TMPRSS11F: variants seen among roughly 807,000 people sequenced by gnomAD.
The protein encoded by TMPRSS11F is transmembrane protease serine 11F.
A neutral mutation model predicts 60.2 loss-of-function variants in TMPRSS11F; 47 were observed. That is an observed-to-expected ratio of 0.78 (90% confidence interval 0.62 to 1.00). The LOEUF is 1.00. TMPRSS11F is among the 50% of genes least tolerant of loss of function. The pLI, the probability that TMPRSS11F is intolerant of heterozygous loss-of-function variation, is 0.00. For synonymous variants in TMPRSS11F, 166 were observed against 167.3 expected, an observed-to-expected ratio of 0.99 and a Z score of 0.06; for missense variants, 519 against 522.9, an observed-to-expected ratio of 0.99 and a Z score of 0.07.
chr4:68,119,679 CAA>C (rs910423850), intron 1 of TMPRSS11F, among the ~76,000 whole-genome samples: 1 of 151,992 alleles, frequency 6.6e-6, no homozygotes, highest in African/African-American at 2.4e-5. Flanking sequence ...CTTATTGCTC[CAA>C]AAAAAGAGAT....
At chr4:68,119,056 C>A (rs538572903) in intron 1 of TMPRSS11F, among the ~76,000 whole-genome samples, 3 of 152,082 alleles carry the variant, frequency 2.0e-5, no homozygotes, top group South Asian at 4.1e-4. Flanking sequence ...AGTGAATAAA[C>A]AAATGATAAG....
intron 1 of TMPRSS11F, among the ~76,000 whole-genome samples, chr4:68,106,834 A>G (rs1259166265): frequency 6.6e-6 from 1 of 152,220 alleles, no homozygotes; most frequent in East Asian, 1.9e-4. Flanking sequence ...ATTTAAAGAA[A>G]CTGGTTATAA....
chr4:68,094,771 C>T (rs1361513389), intron 2 of TMPRSS11F, among the ~76,000 whole-genome samples: 1 of 151,750 alleles, frequency 6.6e-6, no homozygotes, highest in Non-Finnish European at 1.5e-5. Context: ...TCAAAAACAG[C>T]TTTAGATAAT....
At chr4:68,121,362 A>G (rs899434681) in intron 1 of TMPRSS11F, among the ~76,000 whole-genome samples, 1 of 152,216 alleles carries the variant, frequency 6.6e-6, no homozygotes. Flanking sequence ...AAGAATTCAT[A>G]AAGTGTCCAG....
chr4:68,098,341 G>A, intron 2 of TMPRSS11F, among the ~76,000 whole-genome samples: 1 of 151,926 alleles, frequency 6.6e-6, no homozygotes, highest in East Asian at 1.9e-4. Flanking sequence ...CAAAGACGAA[G>A]GTAAATGAAT....
chr4:68,127,819 T>G lies in TMPRSS11F; in HGVS notation c.11+1991A>C, dbSNP rs184443267. ...AAAAATAAAATTAATACAAATCTTA[T>G]TTTATTACTATTTAAATACACCAAC... On this transcript the variant is annotated intron_variant, in intron 1 of 9. Transcript: ENST00000356291. Among the ~76,000 whole-genome samples, 10 of 152,222 alleles carry G rather than the reference T, an allele frequency of 6.6e-5. No individual in the cohort carries two copies. The East Asian group carries it at 1.9e-3, about 29-fold the overall frequency.
At chr4:68,098,378 T>G (rs1487979944) in intron 2 of TMPRSS11F, among the ~76,000 whole-genome samples, 1 of 152,174 alleles carries the variant, frequency 6.6e-6, no homozygotes, top group Non-Finnish European at 1.5e-5. Context: ...TTGGCTCAAC[T>G]ATGATACTGA....
At chr4:68,064,254 A>G (rs1312523960) in intron 8 of TMPRSS11F, among the ~76,000 whole-genome samples, 1 of 148,956 alleles carries the variant, frequency 6.7e-6, no homozygotes, top group Non-Finnish European at 1.5e-5. Context: ...TTTCGATCTC[A>G]GCTCATTGCA....
chr4:68,089,458 T>A (rs1723881577), intron 3 of TMPRSS11F, among the ~76,000 whole-genome samples: 1 of 152,008 alleles, frequency 6.6e-6, no homozygotes, highest in African/African-American at 2.4e-5. Flanking sequence ...TAAAGAAATA[T>A]CAAGACCTTG....
chr4:68,073,027 C>T (rs1723513243), intron 4 of TMPRSS11F, among the ~76,000 whole-genome samples: 1 of 152,052 alleles, frequency 6.6e-6, no homozygotes, highest in African/African-American at 2.4e-5. Context: ...ATAATGTTCC[C>T]CACTTCCAGG....
At chr4:68,094,438 T>C (rs1230960210) in intron 2 of TMPRSS11F, among the ~76,000 whole-genome samples, 3 of 136,638 alleles carry the variant, frequency 2.2e-5, no homozygotes, top group Non-Finnish European at 3.2e-5. Flanking sequence ...TTGGGAGATA[T>C]ACCTAAGGCT....
At chr4:68,090,124 A>G (rs140587417) in intron 3 of TMPRSS11F, among the ~76,000 whole-genome samples, 7 of 152,258 alleles carry the variant, frequency 4.6e-5, no homozygotes, top group Admixed American at 3.9e-4. Context: ...TTATAGCTAT[A>G]CCACGTCCTT....
chr4:68,064,028 A>T (rs1316769296), intron 8 of TMPRSS11F, among the ~76,000 whole-genome samples: 1 of 152,096 alleles, frequency 6.6e-6, no homozygotes, highest in Non-Finnish European at 1.5e-5. Context: ...ATTTGTGATT[A>T]CTTACTGCCT....
At chr4:68,091,765 CTCTCTCTCTCTCTCTCTCTATCTA>C (rs1723938781) in intron 2 of TMPRSS11F, among the ~76,000 whole-genome samples, 4 of 114,660 alleles carry the variant, frequency 3.5e-5, no homozygotes, top group Admixed American at 1.0e-4. Flanking sequence ...CTCTCTCTCT[CTCTCTCTCTCTCTCTCTCTATCTA>C]TCTATCTATC....
intron 7 of TMPRSS11F, among the ~76,000 whole-genome samples, chr4:68,065,785 A>G (rs1723313681): frequency 6.7e-6 from 1 of 149,358 alleles, no homozygotes; most frequent in African/African-American, 2.4e-5. Context: ...AAAAACCTGA[A>G]AGATCAGTGG....
At chr4:68,123,905 T>C (rs1296200811) in intron 1 of TMPRSS11F, among the ~76,000 whole-genome samples, 4 of 152,144 alleles carry the variant, frequency 2.6e-5, no homozygotes, top group Non-Finnish European at 4.4e-5. Flanking sequence ...CACAAATAAC[T>C]TATATTTAAT....
intron 3 of TMPRSS11F, chr4:68,081,039 G>A (rs1723687614): frequency 6.6e-6 from 1 of 152,110 alleles, no homozygotes; most frequent in African/African-American, 2.4e-5. Context: ...TAAAATAGAG[G>A]GGAACGAAGA....
chr4:68,116,107 T>C (rs1374391835), intron 1 of TMPRSS11F, among the ~76,000 whole-genome samples: 3 of 152,064 alleles, frequency 2.0e-5, no homozygotes, highest in South Asian at 4.1e-4. Context: ...CTTACAATTA[T>C]AAAACTTAGA....
At chr4:68,110,656 C>T (rs187445700) in intron 1 of TMPRSS11F, among the ~76,000 whole-genome samples, 1 of 152,018 alleles carries the variant, frequency 6.6e-6, no homozygotes, top group Non-Finnish European at 1.5e-5. Flanking sequence ...ATAACAGTAT[C>T]TACTTGATAT....
Sources: gnomAD v4.1 joint callset for allele counts (sites outside exome capture counted in the v4.1 genomes callset) on GRCh38, gnomAD v4.1.1 for gene constraint, MANE v1.5 for transcripts, NCBI Gene and HGNC (gene_info 2026-07-23, HGNC 2026-07-21) for gene names.